KIF2C: variants seen among roughly 807,000 people sequenced by gnomAD.
KIF2C encodes the protein kinesin family member 2C.
In KIF2C, 34 loss-of-function variants were observed where a neutral mutation model predicts 97.4. The ratio of observed to expected loss-of-function variants is 0.35; its 90% CI spans 0.27 to 0.46. KIF2C has a LOEUF of 0.46. Among genes scored for constraint, KIF2C ranks in the 20% least tolerant of loss-of-function variants. KIF2C has a pLI of 1.00. For missense variants in KIF2C, 750 were observed against 907.6 expected (o/e 0.83, Z 2.23); for synonymous variants, 313 against 318.2 (o/e 0.98, Z 0.17).
rs746788941 is a variant in KIF2C, at chr1:44,762,561, A to C, written c.1874A>C (p.Glu625Ala). Residue 625 changes from glutamate (E) to alanine (A), a missense_variant, in exon 19 of 21, where the codon GAG (glutamate) becomes GCG (alanine). Coordinates refer to ENST00000372224, the MANE Select transcript of KIF2C (RefSeq NM_006845.4). ...LIPGNLSKEE[E>A]ELSSQMSSFN... Reference sequence around the variant, plus strand: ...CCCTCTCAGTTATCCAAGGAAGAGGAGGAACTGTCTTCCCAGATGTCCAGC... The same window carrying C: ...CCCTCTCAGTTATCCAAGGAAGAGGCGGAACTGTCTTCCCAGATGTCCAGC... The C allele has an allele frequency of 6.2e-7, 1 of 1,613,786 alleles. No homozygotes were observed. The highest frequency in any genetic ancestry group is 8.5e-7 in the Non-Finnish European group (1 of 1,179,654).
At chr1:44,746,860 G>T (rs1649223619) in intron 2 of KIF2C, 2 of 1,166,756 alleles carry the variant, frequency 1.7e-6, no homozygotes. Flanking sequence ...CCTGTCTATA[G>T]AAATTTAATT....
chr1:44,754,582 CA>C (rs1649714281), intron 7 of KIF2C, among the ~76,000 whole-genome samples, 167 bp from the exon 8 acceptor site: 1 of 152,190 alleles, frequency 6.6e-6, no homozygotes, highest in African/African-American at 2.4e-5. Context: ...GCCCCTCTGC[CA>C]ATCTCTTCCC....
Position 44,758,118 on chromosome 1 carries a change from T to A in KIF2C, c.1202T>A (p.Phe401Tyr), listed in dbSNP as rs755508657. The A allele has an allele frequency of 6.3e-7, 1 of 1,599,092 alleles. No homozygotes were observed. Among genetic ancestry groups the A allele is most frequent in the Non-Finnish European group, 8.5e-7 (1 of 1,172,824 alleles). The change falls in exon 13 of 21, where the codon TTC (phenylalanine) becomes TAC (tyrosine). Residue 401 changes from phenylalanine (F) to tyrosine (Y), a missense_variant. Coordinates refer to ENST00000372224, the MANE Select transcript of KIF2C (RefSeq NM_006845.4). Reference sequence around the variant, plus strand: ...TTGGGCCTGGAAGTCTATGTGACATTCTTCGAGATCTACAATGGGAAGGTA... The same window carrying A: ...TTGGGCCTGGAAGTCTATGTGACATACTTCGAGATCTACAATGGGAAGGTA... Reference protein sequence around the residue: ...RKLGLEVYVTFFEIYNGKLFD... With the variant: ...RKLGLEVYVTYFEIYNGKLFD...
In KIF2C at chr1:44,757,666, G is replaced by T; in HGVS notation, c.1068+20G>T. ...ACACATGTGAGTATTGAGGCCTGGC[G>T]GGGAAAGAGCCTTTCCCTTGTGCAC... On this transcript the variant is annotated intron_variant, in intron 11 of 20. Coordinates refer to ENST00000372224, the MANE Select transcript of KIF2C (RefSeq NM_006845.4). 1 of 1,553,254 alleles carries T rather than the reference G, an allele frequency of 6.4e-7. No individual in the cohort carries two copies. The highest frequency in any genetic ancestry group is 1.1e-5 in the South Asian group (1 of 89,712).
At chr1:44,759,183 C>T (rs2148831208) in intron 13 of KIF2C, 23 bp from the exon 14 acceptor site, 2 of 1,613,516 alleles carry the variant, frequency 1.2e-6, no homozygotes, top group East Asian at 2.2e-5. Context: ...TGGCCTTAGC[C>T]TCATTCCCCC....
At chr1:44,756,544 CTTTTTTTT>C (rs67641740) in intron 10 of KIF2C, among the ~76,000 whole-genome samples, 1 of 65,242 alleles carries the variant, frequency 1.5e-5, no homozygotes, top group Non-Finnish European at 2.6e-5. Flanking sequence ...GCTCTATCTG[CTTTTTTTT>C]TTTTTTTTTT....
At position 44,757,640 on chromosome 1, in the gene KIF2C, G is replaced by GACACATGTGAGTATT. The variant is rs1186733694; in HGVS notation, c.1063_1068+9dup. 6.2e-7 allele frequency: 1 copy of GACACATGTGAGTATT among 1,609,554 alleles called. No individual in the cohort carries two copies. Among genetic ancestry groups the GACACATGTGAGTATT allele is most frequent in the East Asian group, 2.2e-5 (1 of 44,864 alleles). On this transcript the variant is annotated inframe_insertion, in exon 11 of 21. Transcript: ENST00000372224. ...CATATGGCCAGACAGGAAGTGGCAA[G>GACACATGTGAGTATT]ACACATGTGAGTATTGAGGCCTGGC...
At chr1:44,746,658 T>TACCC in intron 2 of KIF2C, 1 of 1,562,062 alleles carries the variant, frequency 6.4e-7, no homozygotes, top group Non-Finnish European at 8.7e-7. Context: ...TGCTGTGGAG[T>TACCC]ACCCGACTGT....
intron 2 of KIF2C, among the ~76,000 whole-genome samples, chr1:44,743,873 A>G (rs1447976695): frequency 6.6e-6 from 1 of 152,244 alleles, no homozygotes; most frequent in Non-Finnish European, 1.5e-5. Context: ...TTTGAGAAAT[A>G]AAAGGATTGA....
Position 44,756,389 on chromosome 1 carries a change from G to A in KIF2C, c.977+152G>A, listed in dbSNP as rs1036610683. On this transcript the variant is annotated intron_variant, in intron 10 of 20. Coordinates refer to ENST00000372224, the MANE Select transcript of KIF2C (RefSeq NM_006845.4). ...TTGGGTCACACCCTTTGGCAGCTTA[G>A]TGGCCCATCCTTGAGTGGATACTGA... is the stretch of plus-strand genomic sequence containing the variant. 19 of 824,492 alleles carry A rather than the reference G, an allele frequency of 2.3e-5. No individual in the cohort carries two copies. In the Admixed American group the frequency reaches 3.8e-4, roughly 16 times the overall value. The allele number at this position is 824,492 out of a possible 1,614,324, so 51.1% of individuals were successfully genotyped here.
In KIF2C at chr1:44,753,958, C is replaced by CTTTT. The variant is rs34685023; in HGVS notation, c.663+149_663+152dup. ...GGCTCCAGTTCTTGAGGCCCCAATT[C>CTTTT]TTTTTTTTTTTTTTTTTTTTTTTTT... is the stretch of plus-strand genomic sequence containing the variant. On this transcript the variant is annotated intron_variant, in intron 7 of 20. Coordinates refer to ENST00000372224, the MANE Select transcript of KIF2C (RefSeq NM_006845.4). The CTTTT allele has an allele frequency of 3.7e-3, 253 of 67,888 alleles. 55 individuals carry two copies. Among genetic ancestry groups the CTTTT allele is most frequent in the African/African-American group, 0.02 (218 of 10,794 alleles). The allele number at this position is 67,888 out of a possible 1,614,324, so 4.2% of individuals were successfully genotyped here.
chr1:44,754,655 G>A, intron 7 of KIF2C, 95 bp from the exon 8 acceptor site: 1 of 797,700 alleles, frequency 1.3e-6, no homozygotes, highest in Non-Finnish European at 2.3e-6. Context: ...AACTATGAAG[G>A]GTGGTGAGCA....
chr1:44,766,984 G>GGTGGC lies in KIF2C; in HGVS notation c.2095+36_2095+40dup, dbSNP rs1557604391. 1.9e-6 allele frequency: 3 copies of GGTGGC among 1,613,432 alleles called. No homozygotes were observed. The East Asian group carries it at 6.7e-5, about 36-fold the overall frequency. ...GCTGGATGGGGTGCAGGTGGACGAT[G>GGTGGC]GTGGCCTCTGCTGGCTCTTGGGCAG... On this transcript the variant is annotated intron_variant, in intron 20 of 20. Transcript: ENST00000372224.
chr1:44,744,923 C>T (rs1407216998), intron 2 of KIF2C, among the ~76,000 whole-genome samples: 1 of 151,718 alleles, frequency 6.6e-6, no homozygotes, highest in Non-Finnish European at 1.5e-5. Flanking sequence ...GGCGTGGTGG[C>T]TCATGCCTGT....
chr1:44,760,881 C>T lies in KIF2C; in HGVS notation c.1683+179C>T. 2 of 598,982 alleles carry T rather than the reference C, an allele frequency of 3.3e-6. No individual in the cohort carries two copies. Among genetic ancestry groups the T allele is most frequent in the Non-Finnish European group, 6.0e-6 (2 of 334,892 alleles). 37.1% of individuals were successfully genotyped at this position (598,982 alleles called of 1,614,324 possible). ...ATGCACGAGACTCCTTGTGGCCTAA[C>T]CAAGCGTGGAGGAAAGGATCTATTC... On this transcript the variant is annotated intron_variant, in intron 16 of 20. Coordinates refer to ENST00000372224, the MANE Select transcript of KIF2C (RefSeq NM_006845.4). This position sits in a 1 kb window ranked among gnomAD's most constrained non-coding sequence, Gnocchi z 4.2.
Position 44,741,017 on chromosome 1 carries a change from A to G in KIF2C, c.165+10A>G. The stretch of plus-strand genomic sequence containing the variant: ...CACAAAGGGCAAAGAGGTAGGTTCT[A>G]TGAGAATTCCTCTACCACATTTAAT... On this transcript the variant is annotated intron_variant, in intron 2 of 20. Coordinates refer to ENST00000372224, the MANE Select transcript of KIF2C (RefSeq NM_006845.4). The G allele has an allele frequency of 2.5e-6, 4 of 1,594,162 alleles. No homozygotes were observed. The highest frequency in any genetic ancestry group is 1.1e-5 in the South Asian group (1 of 90,618).
At chr1:44,753,866 T>C (rs772093581) in intron 7 of KIF2C, 33 bp downstream of exon 7, 2 of 1,390,656 alleles carry the variant, frequency 1.4e-6, no homozygotes, top group South Asian at 2.5e-5. Flanking sequence ...GTAAGGGTTT[T>C]TGGACAGGTG....
intron 14 of KIF2C, among the ~76,000 whole-genome samples, chr1:44,759,790 G>T (rs1279325290): frequency 2.0e-5 from 3 of 152,140 alleles, no homozygotes; most frequent in Admixed American, 1.3e-4. Flanking sequence ...GGTGGAAGTC[G>T]GGAGCTCTGG....
rs115867900 is a variant in KIF2C at position 44,747,446 on chromosome 1, G to C, written c.228G>C (p.Pro76=). 1.2e-6 allele frequency: 2 copies of C among 1,609,712 alleles called. No individual in the cohort carries two copies. Among genetic ancestry groups the C allele is most frequent in the African/African-American group, 1.3e-5 (1 of 74,536 alleles). ...TCTTACAGCTTCTTCCCTTACATCC[G>C]AAGGACAATCTGCCCTTGCAGGAAA... ...PELLQLLPLH[P]KDNLPLQENV... is the part of the protein sequence containing the mutation. Residue 76 remains proline, a synonymous_variant, in exon 3 of 21, where the codon CCG becomes CCC. Coordinates refer to ENST00000372224, the MANE Select transcript of KIF2C (RefSeq NM_006845.4).
Sources: allele counts gnomAD v4.1 joint callset (sites outside exome capture counted in the v4.1 genomes callset), GRCh38; gene constraint gnomAD v4.1.1; non-coding constraint Gnocchi (gnomAD v3.1); transcripts MANE v1.5; gene names NCBI Gene and HGNC (gene_info 2026-07-23, HGNC 2026-07-21).